ATCAY: variants seen among roughly 807,000 people sequenced by gnomAD.
ATCAY encodes the protein caytaxin.
ATCAY carries 22 observed loss-of-function variants against 47.7 expected under a neutral mutation model. That is an observed-to-expected ratio of 0.46 (90% CI 0.33 to 0.66). The LOEUF is 0.66. Among genes scored for constraint, ATCAY ranks in the 30% least tolerant of loss-of-function variants. The pLI, the probability that ATCAY is intolerant of heterozygous loss-of-function variation, is 0.02. For synonymous variants in ATCAY, 216 were observed against 207.6 expected, an observed-to-expected ratio of 1.04 and a Z score of -0.35; for missense variants, 452 against 515.0, an observed-to-expected ratio of 0.88 and a Z score of 1.18.
Position 3,907,708 on chromosome 19 carries a change from T to A in ATCAY, c.359-26T>A. On this transcript the variant is annotated intron_variant, in intron 4 of 12. Coordinates refer to ENST00000450849, the MANE Select transcript of ATCAY (RefSeq NM_033064.5). This position sits in a 1 kb window ranked among gnomAD's most constrained non-coding sequence, Gnocchi z 5.1. ...GGAGATATCCGGACTCTGGCGTCCA[T>A]GCGACTCTCCGCCACCTGCTTCTAG... 1 of 1,612,952 alleles carries A rather than the reference T, an allele frequency of 6.2e-7. No homozygotes were observed. Among genetic ancestry groups the A allele is most frequent in the Non-Finnish European group, 8.5e-7 (1 of 1,179,550 alleles).
At chr19:3,912,155 T>G (rs541930797) in intron 8 of ATCAY, among the ~76,000 whole-genome samples, 2 of 152,190 alleles carry the variant, frequency 1.3e-5, no homozygotes, top group African/African-American at 4.8e-5. Context: ...AAAACTGCAA[T>G]CACTCTTGCA....
intron 2 of ATCAY, among the ~76,000 whole-genome samples, chr19:3,900,085 C>T (rs1482479470): frequency 6.6e-6 from 1 of 151,952 alleles, no homozygotes; most frequent in Non-Finnish European, 1.5e-5. Context: ...TATTGATAAT[C>T]AACATTGATC....
At position 3,905,494 on chromosome 19, in the gene ATCAY, C is replaced by T; in HGVS notation, c.197C>T (p.Pro66Leu). 6.2e-7 allele frequency: 1 copy of T among 1,613,966 alleles called. No homozygotes were observed. The highest frequency in any genetic ancestry group is 8.5e-7 in the Non-Finnish European group (1 of 1,179,860). ...AHRKRKTLVA[P>L]EINISLDQSE... ...CGTAAGAGGAAGACGCTGGTGGCCC[C>T]AGAGATCAACATTTCTCTGGATCAG... The change falls in exon 4 of 13, where the codon CCA becomes CTA. Residue 66 changes from proline to leucine, a missense_variant. Physicochemically the swap from Pro to Leu is moderately conservative, Grantham distance 98. Transcript: ENST00000450849.
At chr19:3,909,286 C>T (rs550938260) in intron 6 of ATCAY, among the ~76,000 whole-genome samples, 200 bp from the exon 7 acceptor site, 2 of 150,736 alleles carry the variant, frequency 1.3e-5, no homozygotes, top group African/African-American at 4.9e-5. Flanking sequence ...TGAGGATGCC[C>T]GCTGACACTC....
At chr19:3,891,729 G>A (rs1424251491) in intron 2 of ATCAY, among the ~76,000 whole-genome samples, 1 of 151,822 alleles carries the variant, frequency 6.6e-6, no homozygotes, top group Non-Finnish European at 1.5e-5. Flanking sequence ...GAGGACTTGG[G>A]GGAGGAGCTT....
intron 3 of ATCAY, among the ~76,000 whole-genome samples, chr19:3,905,199 A>T (rs2038849518): frequency 6.6e-6 from 1 of 152,138 alleles, no homozygotes; most frequent in South Asian, 2.1e-4. Flanking sequence ...ATGTCCAAGC[A>T]TCCATCCCCT....
At chr19:3,924,416 G>T (rs1436847035) in intron 12 of ATCAY, among the ~76,000 whole-genome samples, 167 bp from the exon 13 acceptor site, 3 of 152,216 alleles carry the variant, frequency 2.0e-5, no homozygotes, top group Non-Finnish European at 2.9e-5. Context: ...GCCACACTTA[G>T]AAAGTGGGTG....
At chr19:3,890,293 C>G (rs1463245963) in intron 2 of ATCAY, among the ~76,000 whole-genome samples, 4 of 110,734 alleles carry the variant, frequency 3.6e-5, no homozygotes, top group African/African-American at 1.4e-4. Flanking sequence ...GACAAAGTCT[C>G]ACTCTGTCAC....
At chr19:3,889,949 CTT>C (rs911051026) in intron 2 of ATCAY, among the ~76,000 whole-genome samples, 4 of 144,408 alleles carry the variant, frequency 2.8e-5, no homozygotes, top group Admixed American at 7.0e-5. Context: ...CTTTTCTTTT[CTT>C]TTTTTTTTTT....
At chr19:3,909,997 G>A (rs934433876) in intron 7 of ATCAY, among the ~76,000 whole-genome samples, 3 of 152,126 alleles carry the variant, frequency 2.0e-5, no homozygotes, top group African/African-American at 7.2e-5. Context: ...GCTGAGGCAG[G>A]AGAATCACTT....
In ATCAY at chr19:3,927,137, C is replaced by T. The variant is rs1203413107; in HGVS notation, c.*2545C>T. On this transcript the variant is annotated 3_prime_UTR_variant, in exon 13 of 13. Transcript: ENST00000450849. ...TCAGGAGGCTGAGGTAGAAGAATAG[C>T]TGGAACCCAGGAGGCAGAGATTGCA... 5 of 152,214 alleles carry T rather than the reference C, an allele frequency of 3.3e-5. No individual in the cohort carries two copies. The highest frequency in any genetic ancestry group is 3.3e-4 in the Admixed American group (5 of 15,252). The allele number at this position is 152,214 out of a possible 1,614,324, so 9.4% of individuals were successfully genotyped here. A position where few individuals can be genotyped will look rare whatever the true frequency, so the allele number is the denominator to read the frequency against.
At chr19:3,888,971 G>A (rs1002358477) in intron 2 of ATCAY, among the ~76,000 whole-genome samples, 5 of 152,088 alleles carry the variant, frequency 3.3e-5, no homozygotes, top group East Asian at 1.9e-4. Flanking sequence ...CAGAATAGCC[G>A]AGAATCAGAG....
Position 3,907,148 on chromosome 19 carries a change from GAA to G in ATCAY, c.359-576_359-575del, listed in dbSNP as rs11309346. ...GACTCTCTCAAAAAAAAAAAAGAAAGAAAAAAAAAAATTAAGGACAATGTAGT... is the reference window on the plus strand; with the variant it reads ...GACTCTCTCAAAAAAAAAAAAGAAAGAAAAAAAAATTAAGGACAATGTAGT... On this transcript the variant is annotated intron_variant, in intron 4 of 12. Coordinates refer to ENST00000450849, the MANE Select transcript of ATCAY (RefSeq NM_033064.5). This position sits in a 1 kb window ranked among gnomAD's most constrained non-coding sequence, Gnocchi z 5.1. Among the ~76,000 whole-genome samples the G allele has an allele frequency of 2.1e-5, 3 of 143,614 alleles. No homozygotes were observed. Among genetic ancestry groups the G allele is most frequent in the African/African-American group, 7.7e-5 (3 of 38,748 alleles). 94.2% of individuals were successfully genotyped at this position (143,614 alleles called of 152,430 possible).
chr19:3,896,807 C>T (rs1015169977), intron 2 of ATCAY, among the ~76,000 whole-genome samples: 3 of 152,002 alleles, frequency 2.0e-5, no homozygotes, highest in African/African-American at 7.3e-5. Flanking sequence ...GACGGAGTCT[C>T]GCTCTGTTGC....
chr19:3,907,595 G>A lies in ATCAY; in HGVS notation c.359-139G>A. The A allele has an allele frequency of 9.7e-7, 1 of 1,034,272 alleles. No individual in the cohort carries two copies. The highest frequency in any genetic ancestry group is 1.4e-6 in the Non-Finnish European group (1 of 711,186). 64.1% of individuals were successfully genotyped at this position (1,034,272 alleles called of 1,614,324 possible). ...AGTAGGAGAGGAAAATGGGTCAGCA[G>A]GGCAGCCAGGTGGGGAGAAGCGAAG... On this transcript the variant is annotated intron_variant, in intron 4 of 12. Transcript: ENST00000450849. This position sits in a 1 kb window ranked among gnomAD's most constrained non-coding sequence, Gnocchi z 5.1.
At chr19:3,886,720 T>A (rs1029025114) in intron 2 of ATCAY, among the ~76,000 whole-genome samples, 4 of 117,762 alleles carry the variant, frequency 3.4e-5, no homozygotes, top group Non-Finnish European at 6.6e-5. Context: ...CATGCTGAAC[T>A]TTTTTTTTTT....
intron 3 of ATCAY, among the ~76,000 whole-genome samples, chr19:3,903,292 G>A (rs1027645558): frequency 4.0e-5 from 6 of 151,634 alleles, no homozygotes; most frequent in Non-Finnish European, 7.4e-5. Flanking sequence ...CTTCAGCAGA[G>A]GAAAAAAATC....
intron 8 of ATCAY, among the ~76,000 whole-genome samples, chr19:3,912,897 T>A (rs1443003629): frequency 2.8e-5 from 3 of 108,462 alleles, no homozygotes; most frequent in Non-Finnish European, 1.8e-5. Flanking sequence ...AAAAAAAAAA[T>A]ACCATGAAGT....
intron 3 of ATCAY, among the ~76,000 whole-genome samples, chr19:3,904,710 T>A (rs10406772): frequency 0.049 from 7,389 of 152,124 alleles, 612 homozygotes; most frequent in African/African-American, 0.17. Context: ...TAGGAGACTA[T>A]CCTGGATCCT....
Sources: allele counts gnomAD v4.1 joint callset (sites outside exome capture counted in the v4.1 genomes callset), GRCh38; gene constraint gnomAD v4.1.1; non-coding constraint Gnocchi (gnomAD v3.1); transcripts MANE v1.5; gene names NCBI Gene and HGNC (gene_info 2026-07-23, HGNC 2026-07-21).